The following APC2 variants were observed in gnomAD, a reference collection of about 807,000 sequenced individuals.
APC2 encodes APC regulator of Wnt signaling pathway 2.
A neutral mutation model predicts 72.5 loss-of-function variants in APC2; 41 were observed. The observed-to-expected ratio is 0.57, with a 90% CI of 0.44 to 0.73. APC2 has a LOEUF of 0.73. Ranked by LOEUF, APC2 falls within the 30% of genes least tolerant of loss-of-function variation. The probability of loss-of-function intolerance (pLI) is 0.00; values close to 1 mark genes in which losing one functional copy is unlikely to be tolerated. For synonymous variants in APC2, 1,898 were observed against 1,612.0 expected (o/e 1.18, Z -4.25); for missense variants, 3,729 against 3,403.4 (o/e 1.10, Z -2.38).
At position 1,461,668 on chromosome 19, in the gene APC2, C is replaced by T. The variant is rs370701812; in HGVS notation, c.1639-295C>T. On this transcript the variant is annotated intron_variant, in intron 13 of 14. Transcript: ENST00000590469. ...GAGATCGAGACCATCCTGGCTAACA[C>T]GGTGAAACCCCGTCTCTACTAAAAA... The T allele has an allele frequency of 1.1e-3, 468 of 407,516 alleles. 9 individuals carry two copies. In the East Asian group the frequency reaches 0.018, roughly 16 times the overall value. 25.2% of individuals were successfully genotyped at this position (407,516 alleles called of 1,614,324 possible). A position where few individuals can be genotyped will look rare whatever the true frequency, so the allele number is the denominator to read the frequency against.
chr19:1,456,065 G>A lies in APC2; in HGVS notation c.640-11G>A, dbSNP rs1426127179. 2 of 1,558,318 alleles carry A rather than the reference G, an allele frequency of 1.3e-6. No individual in the cohort carries two copies. The highest frequency in any genetic ancestry group is 1.9e-5 in the Admixed American group (1 of 52,792). Reference sequence around the variant, plus strand: ...CAGCTCCAGCACTTGCCCTCGTGTGGTCCTGAGCAGATCCGCGCCTCGCGC... The same window carrying A: ...CAGCTCCAGCACTTGCCCTCGTGTGATCCTGAGCAGATCCGCGCCTCGCGC... On this transcript the variant is annotated splice_polypyrimidine_tract_variant and intron_variant, in intron 6 of 14. Transcript: ENST00000590469.
intron 10 of APC2, chr19:1,458,268 T>C (rs2083869688): frequency 1.7e-6 from 1 of 595,422 alleles, no homozygotes; most frequent in Non-Finnish European, 3.0e-6. Context: ...GCGTGTGGCC[T>C]CCCGATCTGG....
chr19:1,466,416 G>A lies in APC2; in HGVS notation c.3115G>A (p.Val1039Ile). The A allele has an allele frequency of 1.3e-6, 2 of 1,597,448 alleles. No homozygotes were observed. Among genetic ancestry groups the A allele is most frequent in the Non-Finnish European group, 1.7e-6 (2 of 1,178,766 alleles). The change falls in exon 15 of 15, where the codon GTT (valine) becomes ATT (isoleucine). Residue 1039 changes from valine to isoleucine, a missense_variant. Val to Ile is a conservative substitution (Grantham distance 29). Coordinates refer to ENST00000590469, the MANE Select transcript of APC2 (RefSeq NM_005883.3). ...AWLPADHLSK[V>I]PEKLAAAPLS... Reference sequence around the variant, plus strand: ...GCTGCCGGCAGACCACCTGAGCAAGGTTCCCGAGAAGCTGGCGGCTGCCCC... The same window carrying A: ...GCTGCCGGCAGACCACCTGAGCAAGATTCCCGAGAAGCTGGCGGCTGCCCC...
Position 1,465,310 on chromosome 19 carries a change from G to A in APC2, c.2009G>A (p.Gly670Asp), listed in dbSNP as rs1038302466. 1 of 1,597,388 alleles carries A rather than the reference G, an allele frequency of 6.3e-7. No individual in the cohort carries two copies. The highest frequency in any genetic ancestry group is 1.7e-5 in the Admixed American group (1 of 59,422). Residue 670 changes from glycine (G) to aspartate (D), a missense_variant, in exon 15 of 15, where the codon GGC becomes GAC. Gly to Asp is a moderately conservative substitution (Grantham distance 94, BLOSUM62 -1). Coordinates refer to ENST00000590469, the MANE Select transcript of APC2 (RefSeq NM_005883.3). ...QELLWDLGAV[G>D]MLRNLVHSKH... is the part of the protein sequence containing the mutation. ...CTGCTGTGGGACCTGGGCGCCGTGG[G>A]CATGCTGCGTAATCTGGTGCACTCC...
chr19:1,460,160 A>G, intron 10 of APC2, 21 bp from the exon 11 acceptor site: 1 of 1,612,850 alleles, frequency 6.2e-7, no homozygotes, highest in South Asian at 1.1e-5. Flanking sequence ...GCCACCCACC[A>G]ACCTTGTTGG....
rs140312684 is a variant in APC2, at chr19:1,468,433, C to A, written c.5132C>A (p.Ser1711Ter). 6.3e-7 allele frequency: 1 copy of A among 1,591,632 alleles called. No individual in the cohort carries two copies. Among genetic ancestry groups the A allele is most frequent in the Non-Finnish European group, 8.5e-7 (1 of 1,170,346 alleles). ...HQAAAATREA[S>*]SESDSILSFV... ...GCAGCAGCTGCCACGCGGGAGGCCT[C>A]GTCCGAGTCCGACTCCATCCTGTCC... The change falls in exon 15 of 15, where the codon TCG (serine) becomes TAG (stop). Residue 1711 changes from serine (S) to a stop codon, truncating the protein, a stop_gained. Coordinates refer to ENST00000590469, the MANE Select transcript of APC2 (RefSeq NM_005883.3). LOFTEE classifies it low-confidence loss of function (END_TRUNC).
At chr19:1,463,007 C>T (rs2083952225) in intron 14 of APC2, among the ~76,000 whole-genome samples, 3 of 132,214 alleles carry the variant, frequency 2.3e-5, no homozygotes, top group East Asian at 2.4e-4. Context: ...TGGGCTCGGT[C>T]CCTCACACCT....
Position 1,471,357 on chromosome 19 carries a change from G to A in APC2, c.*1144G>A, listed in dbSNP as rs1427489785. 4 of 152,466 alleles carry A rather than the reference G, an allele frequency of 2.6e-5. No homozygotes were observed. The East Asian group carries it at 7.7e-4, about 29-fold the overall frequency. 9.4% of individuals were successfully genotyped at this position (152,466 alleles called of 1,614,324 possible). A position where few individuals can be genotyped will look rare whatever the true frequency, so the allele number is the denominator to read the frequency against. On this transcript the variant is annotated 3_prime_UTR_variant, in exon 15 of 15. Transcript: ENST00000590469. ...GGGGACCCAGCCTTGCCCTCCACCC[G>A]AGGCTCTGGGACAAGGCGGGAGGTT...
chr19:1,448,882 A>G (rs2083712438), upstream of APC2, among the ~76,000 whole-genome samples: 1 of 152,100 alleles, frequency 6.6e-6, no homozygotes, highest in African/African-American at 2.4e-5. Context: ...AGAAAAAAGA[A>G]AAGATCCCCT....
intron 9 of APC2, chr19:1,457,617 G>C: frequency 2.0e-6 from 1 of 497,248 alleles, no homozygotes. Flanking sequence ...AGAATTGCTT[G>C]AGCCCAGGAA....
In APC2 at chr19:1,465,137, C is replaced by T. The variant is rs570721926; in HGVS notation, c.1854-18C>T. The T allele has an allele frequency of 3.8e-6, 6 of 1,587,022 alleles. No individual in the cohort carries two copies. The African/African-American group carries it at 6.7e-5, about 18-fold the overall frequency. ...GAGGGTGGGGGGTGGCCCAGGCTAA[C>T]CCGCCCTGTGCCTACAGGCAGGTGC... is the stretch of plus-strand genomic sequence containing the variant. On this transcript the variant is annotated intron_variant, in intron 14 of 14. Transcript: ENST00000590469.
chr19:1,464,186 G>A (rs1183549796), intron 14 of APC2, among the ~76,000 whole-genome samples: 3 of 152,136 alleles, frequency 2.0e-5, no homozygotes, highest in African/African-American at 7.2e-5. Flanking sequence ...GTGGGTGCCT[G>A]TAATCCCACC....
In APC2 at chr19:1,466,602, G is replaced by C; in HGVS notation, c.3301G>C (p.Glu1101Gln). The C allele has an allele frequency of 6.5e-7, 1 of 1,549,486 alleles. No individual in the cohort carries two copies. Among genetic ancestry groups the C allele is most frequent in the Non-Finnish European group, 8.7e-7 (1 of 1,153,440 alleles). Residue 1101 changes from glutamate to glutamine, a missense_variant, in exon 15 of 15, where the codon GAG (glutamate) becomes CAG (glutamine). Physicochemically the swap from Glu to Gln is conservative, Grantham distance 29 (BLOSUM62 2). Coordinates refer to ENST00000590469, the MANE Select transcript of APC2 (RefSeq NM_005883.3). ...DDSDSSLEGLEEAGPSEAELD... is the reference protein window; with the variant it reads ...DDSDSSLEGLQEAGPSEAELD... Reference sequence around the variant, plus strand: ...CAGTGACTCCTCCCTGGAGGGGCTGGAGGAGGCCGGCCCCAGCGAGGCTGA... The same window carrying C: ...CAGTGACTCCTCCCTGGAGGGGCTGCAGGAGGCCGGCCCCAGCGAGGCTGA...
In APC2 at chr19:1,457,979, G is replaced by A. The variant is rs1483386944; in HGVS notation, c.1222G>A (p.Glu408Lys). Residue 408 changes from glutamate to lysine, a missense_variant, in exon 10 of 15, where the codon GAG becomes AAG. By Grantham distance (56) the Glu-to-Lys change is moderately conservative. Transcript: ENST00000590469. ...TGTGCCCACAGCCCCGATCCCCATC[G>A]AGCCGCAGATCTGCCAGGCCACCTG... The part of the protein sequence containing the change: ...GGAGSAPIPI[E>K]PQICQATCAV... The A allele has an allele frequency of 1.5e-5, 24 of 1,556,686 alleles. No individual in the cohort carries two copies. Among genetic ancestry groups the A allele is most frequent in the Middle Eastern group, 1.7e-4 (1 of 5,820 alleles).
In APC2 at chr19:1,469,112, C is replaced by G. The variant is rs753016522; in HGVS notation, c.5811C>G (p.Ala1937=). 11 of 1,370,294 alleles carry G rather than the reference C, an allele frequency of 8.0e-6. No homozygotes were observed. The African/African-American group carries it at 1.1e-4, about 13-fold the overall frequency. 84.9% of individuals were successfully genotyped at this position (1,370,294 alleles called of 1,614,324 possible). A position where few individuals can be genotyped will look rare whatever the true frequency, so the allele number is the denominator to read the frequency against. The change falls in exon 15 of 15, where the codon GCC becomes GCG. Residue 1937 remains alanine (A), a synonymous_variant. Coordinates refer to ENST00000590469, the MANE Select transcript of APC2 (RefSeq NM_005883.3). ...PVRIPFMQRP[A]RRGPPPLARA... Reference sequence around the variant, plus strand: ...GGATCCCGTTCATGCAGAGGCCGGCCCGGCGTGGGCCGCCACCGCTGGCTC... The same window carrying G: ...GGATCCCGTTCATGCAGAGGCCGGCGCGGCGTGGGCCGCCACCGCTGGCTC...
chr19:1,469,437 C>A lies in APC2; in HGVS notation c.6136C>A (p.Leu2046Ile). 9 of 1,169,170 alleles carry A rather than the reference C, an allele frequency of 7.7e-6. No homozygotes were observed. In the South Asian group the frequency reaches 3.0e-4, roughly 39 times the overall value. 72.4% of individuals were successfully genotyped at this position (1,169,170 alleles called of 1,614,324 possible). A position where few individuals can be genotyped will look rare whatever the true frequency, so the allele number is the denominator to read the frequency against. The part of the protein sequence containing the change: ...VFLCSSRCEE[L>I]RAAPRQGPAP... ...CCTCTGCTCCTCGCGCTGCGAAGAG[C>A]TCCGAGCGGCACCCCGGCAGGGCCC... The change falls in exon 15 of 15, where the codon CTC becomes ATC. Residue 2046 changes from leucine to isoleucine, a missense_variant. Transcript: ENST00000590469.
Position 1,461,055 on chromosome 19 carries a change from C to T in APC2, c.1540C>T (p.Arg514Trp), listed in dbSNP as rs2083914806. ...CACCCAGGTGGTGTCCAGCATCCTT[C>T]GGAACTTGTCCTGGAGGGCCGACAT... ...ELHQVVSSIL[R>W]NLSWRADINS... Residue 514 changes from arginine (R) to tryptophan (W), a missense_variant, in exon 13 of 15, where the codon CGG becomes TGG. Arg to Trp is a moderately radical substitution (Grantham distance 101). Transcript: ENST00000590469. 4 of 1,613,930 alleles carry T rather than the reference C, an allele frequency of 2.5e-6. No individual in the cohort carries two copies. The highest frequency in any genetic ancestry group is 3.4e-6 in the Non-Finnish European group (4 of 1,180,036).
upstream of APC2, chr19:1,446,357 C>G: frequency 1.0e-6 from 1 of 985,354 alleles, no homozygotes; most frequent in Non-Finnish European, 1.2e-6. The surrounding 1 kb of genome is among the most constrained non-coding windows in gnomAD (Gnocchi z 6.1). Flanking sequence ...GCGCGTGGGT[C>G]GAGCCGTTGG....
chr19:1,466,498 C>G lies in APC2; in HGVS notation c.3197C>G (p.Ser1066Trp). The change falls in exon 15 of 15, where the codon TCG becomes TGG. Residue 1066 changes from serine to tryptophan, a missense_variant. Transcript: ENST00000590469. Reference protein sequence around the residue: ...QKLAAQEGPLSLSRCSSLSSL... With the variant: ...QKLAAQEGPLWLSRCSSLSSL... ...CTGGCGGCGCAAGAGGGGCCACTCT[C>G]GCTGTCCCGATGCAGCTCCCTTTCC... 3 of 1,597,314 alleles carry G rather than the reference C, an allele frequency of 1.9e-6. No individual in the cohort carries two copies. Among genetic ancestry groups the G allele is most frequent in the Non-Finnish European group, 2.5e-6 (3 of 1,179,224 alleles).
Sources: allele counts gnomAD v4.1 joint callset (sites outside exome capture counted in the v4.1 genomes callset), GRCh38; gene constraint gnomAD v4.1.1; non-coding constraint Gnocchi (gnomAD v3.1); transcripts MANE v1.5; gene names NCBI Gene and HGNC (gene_info 2026-07-23, HGNC 2026-07-21).